Variants in TRIM36 observed in about 807,000 individuals in gnomAD.
TRIM36 encodes tripartite motif containing 36, also known as E3 ubiquitin-protein ligase TRIM36.
Under a neutral mutation model 72.4 loss-of-function variants are expected in TRIM36, and 42 were observed. That is an observed-to-expected ratio of 0.58 (90% CI 0.45 to 0.75). TRIM36 has a LOEUF of 0.75. Ranked by LOEUF, TRIM36 falls within the 30% of genes least tolerant of loss-of-function variation. The probability of loss-of-function intolerance (pLI) is 0.00; values close to 1 mark genes in which losing one functional copy is unlikely to be tolerated. For synonymous variants in TRIM36, 315 were observed against 282.8 expected, an observed-to-expected ratio of 1.11 and a Z score of -1.14; for missense variants, 913 against 857.1, an observed-to-expected ratio of 1.07 and a Z score of -0.81.
At chr5:115,179,986 C>G (rs1312350795) in exon 1 of TRIM36, 1 of 1,614,082 alleles carries the variant, frequency 6.2e-7, no homozygotes, top group Admixed American at 1.7e-5. Context: ...TTGCCTTTAG[C>G]TATCAATTCC....
chr5:115,145,104 G>T (rs1450475995), intron 3 of TRIM36, among the ~76,000 whole-genome samples: 1 of 152,128 alleles, frequency 6.6e-6, no homozygotes, highest in African/African-American at 2.4e-5. Context: ...AAGGCCATCT[G>T]ACCACACTGA....
intron 1 of TRIM36, among the ~76,000 whole-genome samples, chr5:115,164,389 T>G (rs1275457104): frequency 6.6e-6 from 1 of 152,088 alleles, no homozygotes; most frequent in Non-Finnish European, 1.5e-5. Context: ...ATAAAGAAAA[T>G]TACCTGAGGC....
At chr5:115,152,639 G>GA (rs1200010091) in intron 2 of TRIM36, among the ~76,000 whole-genome samples, 1 of 152,128 alleles carries the variant, frequency 6.6e-6, no homozygotes, top group African/African-American at 2.4e-5. Context: ...GTAACCTAGG[G>GA]AAAACCTATC....
At chr5:115,162,162 T>C (rs1189403343) in intron 2 of TRIM36, among the ~76,000 whole-genome samples, 5 of 152,216 alleles carry the variant, frequency 3.3e-5, no homozygotes, top group African/African-American at 9.6e-5. Context: ...CTCCTGTAAC[T>C]GTTCTTTACA....
chr5:115,138,630 T>C (rs576994994), intron 5 of TRIM36, among the ~76,000 whole-genome samples: 1 of 152,310 alleles, frequency 6.6e-6, no homozygotes, highest in East Asian at 1.9e-4. Context: ...ACATAAAGTA[T>C]ATACCACAGT....
intron 1 of TRIM36, 96 bp from the exon 2 acceptor site, chr5:115,163,848 A>G: frequency 1.0e-6 from 1 of 992,608 alleles, no homozygotes; most frequent in African/African-American, 1.6e-5. Context: ...TATTTTTCCA[A>G]AAAGAATTAA....
intron 2 of TRIM36, among the ~76,000 whole-genome samples, chr5:115,156,451 A>G (rs928751428): frequency 2.0e-5 from 3 of 152,232 alleles, no homozygotes; most frequent in African/African-American, 7.2e-5. Context: ...ACAGTATGGT[A>G]CTGGTATAAA....
At chr5:115,131,538 T>C (rs1439281484) in intron 8 of TRIM36, among the ~76,000 whole-genome samples, 1 of 152,176 alleles carries the variant, frequency 6.6e-6, no homozygotes, top group East Asian at 1.9e-4. Context: ...AAGCATAACA[T>C]TGGCTGCTAG....
At chr5:115,162,171 C>T (rs1422060461) in intron 2 of TRIM36, among the ~76,000 whole-genome samples, 1 of 152,132 alleles carries the variant, frequency 6.6e-6, no homozygotes, top group Non-Finnish European at 1.5e-5. Context: ...CTGTTCTTTA[C>T]AGAGAAAAGT....
At chr5:115,149,509 A>C (rs1753769291) in intron 2 of TRIM36, 1 of 150,796 alleles carries the variant, frequency 6.6e-6, no homozygotes, top group Admixed American at 6.6e-5. Flanking sequence ...AAATAATGAC[A>C]ACAAAATCAA....
At chr5:115,161,426 C>T (rs1232853064) in intron 2 of TRIM36, among the ~76,000 whole-genome samples, 2 of 152,300 alleles carry the variant, frequency 1.3e-5, no homozygotes, top group East Asian at 3.9e-4. Flanking sequence ...ACAGTGGCCA[C>T]CCACCCATTG....
At chr5:115,148,388 T>C (rs1296611614) in intron 2 of TRIM36, 2 of 955,968 alleles carry the variant, frequency 2.1e-6, no homozygotes, top group East Asian at 1.2e-4. Flanking sequence ...TGCATGCATA[T>C]CACATTCCCT....
chr5:115,137,080 G>C lies in TRIM36; in HGVS notation c.1130C>G (p.Ala377Gly). ...TESLKSFRPA[A>G]QTSFEDYVVN... ...AACATAGTCTTCAAAAGAAGTCTGA[G>C]CTGCAGGTCTAAAGCTCTTCAAAGA... The change falls in exon 7 of 10, where the codon GCT becomes GGT. Residue 377 changes from alanine to glycine, a missense_variant. By Grantham distance (60) the Ala-to-Gly change is moderately conservative. Coordinates refer to ENST00000513154, the MANE Select transcript of TRIM36 (RefSeq NM_001300759.2). 2 of 1,611,038 alleles carry C rather than the reference G, an allele frequency of 1.2e-6. No homozygotes were observed. The highest frequency in any genetic ancestry group is 1.7e-6 in the Non-Finnish European group (2 of 1,179,086).
intron 2 of TRIM36, chr5:115,149,187 T>C (rs1753756746): frequency 6.6e-6 from 1 of 152,160 alleles, no homozygotes; most frequent in Non-Finnish European, 1.5e-5. Context: ...TCTAAAAGCA[T>C]GCAATACAAT....
intron 8 of TRIM36, 102 bp downstream of exon 8, chr5:115,133,758 C>G (rs1364777208): frequency 8.5e-7 from 1 of 1,174,840 alleles, no homozygotes; most frequent in Non-Finnish European, 1.1e-6. Flanking sequence ...AAAACAAGAG[C>G]TGGTTTCAGT....
intron 2 of TRIM36, among the ~76,000 whole-genome samples, chr5:115,151,196 G>A (rs752186076): frequency 1.3e-5 from 2 of 152,160 alleles, no homozygotes; most frequent in Admixed American, 1.3e-4. Context: ...TGGGGGTACA[G>A]TGGAAGTGGG....
At position 115,147,126 on chromosome 5, in the gene TRIM36, C is replaced by A; in HGVS notation, c.531G>T (p.Trp177Cys). 6.2e-7 allele frequency: 1 copy of A among 1,614,022 alleles called. No homozygotes were observed. The highest frequency in any genetic ancestry group is 8.5e-7 in the Non-Finnish European group (1 of 1,180,014). ...ACTCATGTTGAGCTTTTATAGTACC[C>A]CAAGGGTGATGAATTTTGAAGCATT... Reference protein sequence around the residue: ...CNECFKIHHPWGTIKAQHEYV... With the variant: ...CNECFKIHHPCGTIKAQHEYV... Residue 177 changes from tryptophan to cysteine, a missense_variant, in exon 3 of 10, where the codon TGG becomes TGT. By Grantham distance (215) the Trp-to-Cys change is radical. Transcript: ENST00000513154.
intron 2 of TRIM36, 82 bp downstream of exon 2, chr5:115,163,436 T>C: frequency 8.2e-7 from 1 of 1,213,808 alleles, no homozygotes. Flanking sequence ...ATGACAAAAA[T>C]AATTTTCCTT....
chr5:115,180,076 G>C (rs1345056938), exon 1 of TRIM36: 2 of 1,590,254 alleles, frequency 1.3e-6, no homozygotes, highest in African/African-American at 2.7e-5. Context: ...ACCGACGCGG[G>C]TGTATCGAAT....
Sources: gnomAD v4.1 joint callset for allele counts (sites outside exome capture counted in the v4.1 genomes callset) on GRCh38, gnomAD v4.1.1 for gene constraint, MANE v1.5 for transcripts, NCBI Gene and HGNC (gene_info 2026-07-23, HGNC 2026-07-21) for gene names.